ALPL: variants seen among roughly 807,000 people sequenced by gnomAD.
ALPL encodes alkaline phosphatase, tissue-nonspecific isozyme.
A neutral mutation model predicts 51.3 loss-of-function variants in ALPL; 42 were observed. The observed-to-expected ratio is 0.82, with a 90% CI of 0.64 to 1.06. ALPL has a LOEUF of 1.06. Ranked by LOEUF, ALPL falls within the 50% of genes least tolerant of loss-of-function variation. The pLI, the probability that ALPL is intolerant of heterozygous loss-of-function variation, is 0.00. For synonymous variants in ALPL, 279 were observed against 296.4 expected, an observed-to-expected ratio of 0.94 and a Z score of 0.60; for missense variants, 589 against 709.4, an observed-to-expected ratio of 0.83 and a Z score of 1.93.
intron 1 of ALPL, among the ~76,000 whole-genome samples, chr1:21,522,387 A>G (rs1030414044): frequency 6.6e-6 from 1 of 152,202 alleles, no homozygotes; most frequent in African/African-American, 2.4e-5. Flanking sequence ...TTTGTTTAAA[A>G]TATATCATGA....
intron 6 of ALPL, among the ~76,000 whole-genome samples, chr1:21,567,053 C>T (rs942644953): frequency 1.3e-5 from 2 of 152,194 alleles, no homozygotes. Flanking sequence ...GGCACCTTTC[C>T]CACCTCTCCA....
At chr1:21,574,695 GC>G (rs1202641659) in intron 9 of ALPL, 4 of 152,268 alleles carry the variant, frequency 2.6e-5, no homozygotes, top group Non-Finnish European at 4.4e-5. Context: ...TCTTGGCCTG[GC>G]CCCGAACAGG....
At chr1:21,518,187 C>CT (rs1643836601) in intron 1 of ALPL, among the ~76,000 whole-genome samples, 1 of 152,032 alleles carries the variant, frequency 6.6e-6, no homozygotes, top group South Asian at 2.1e-4. Flanking sequence ...GGCCTCATCA[C>CT]TGTCTAGGCT....
intron 7 of ALPL, among the ~76,000 whole-genome samples, chr1:21,569,222 C>A (rs1466925674): frequency 2.0e-5 from 3 of 152,174 alleles, no homozygotes; most frequent in Non-Finnish European, 4.4e-5. Flanking sequence ...CAAGCTCAAG[C>A]CAGAGAGACA....
chr1:21,548,261 C>T (rs959339491), intron 1 of ALPL, among the ~76,000 whole-genome samples: 1 of 152,208 alleles, frequency 6.6e-6, no homozygotes, highest in Non-Finnish European at 1.5e-5. Context: ...GGAGCCTCTG[C>T]GAGGGGGAGG....
chr1:21,552,392 T>C (rs1345287433), intron 1 of ALPL, among the ~76,000 whole-genome samples: 1 of 149,468 alleles, frequency 6.7e-6, no homozygotes, highest in African/African-American at 2.5e-5. Context: ...GGCAGGAAAA[T>C]TGCTTGAACC....
chr1:21,554,358 GAAATATATATATACAAGGA>G (rs1273808375), intron 2 of ALPL, among the ~76,000 whole-genome samples: 4 of 146,710 alleles, frequency 2.7e-5, no homozygotes, highest in Admixed American at 1.4e-4. Flanking sequence ...ACACATATAT[GAAATATATATATACAAGGA>G]AAATATATAT....
At chr1:21,518,104 G>A (rs1643834754) in intron 1 of ALPL, among the ~76,000 whole-genome samples, 1 of 152,050 alleles carries the variant, frequency 6.6e-6, no homozygotes, top group Non-Finnish European at 1.5e-5. Context: ...CCCACCCCAG[G>A]TGTGGGGTAG....
chr1:21,574,007 T>C (rs1644690987), intron 9 of ALPL: 1 of 985,376 alleles, frequency 1.0e-6, no homozygotes. Context: ...AGATGCAAGT[T>C]AGGTTCAGCA....
intron 8 of ALPL, among the ~76,000 whole-genome samples, chr1:21,572,792 C>T (rs1242668969): frequency 6.6e-6 from 1 of 152,184 alleles, no homozygotes; most frequent in Non-Finnish European, 1.5e-5. Context: ...GGATCATTCT[C>T]CTTATGTCAC....
chr1:21,555,503 G>A (rs1212255066), intron 2 of ALPL, among the ~76,000 whole-genome samples: 1 of 151,904 alleles, frequency 6.6e-6, no homozygotes, highest in Non-Finnish European at 1.5e-5. Flanking sequence ...TGCAACCTTC[G>A]CCACCCAGGT....
At position 21,554,021 on chromosome 1, in the gene ALPL, C is replaced by A; in HGVS notation, c.-61C>A. On this transcript the variant is annotated 5_prime_UTR_variant, in exon 2 of 12. Transcript: ENST00000374840. Reference sequence around the variant, plus strand: ...CATCTGACCACTGCCAGCCCACCCCCTCCCACCCACGTCGATTGCATCTCT... The same window carrying A: ...CATCTGACCACTGCCAGCCCACCCCATCCCACCCACGTCGATTGCATCTCT... 2 of 1,080,974 alleles carry A rather than the reference C, an allele frequency of 1.9e-6. No homozygotes were observed. The highest frequency in any genetic ancestry group is 2.8e-6 in the Non-Finnish European group (2 of 703,622). The allele number at this position is 1,080,974 out of a possible 1,614,324, so 67.0% of individuals were successfully genotyped here.
At chr1:21,537,177 T>G (rs1303301576) in intron 1 of ALPL, among the ~76,000 whole-genome samples, 1 of 152,206 alleles carries the variant, frequency 6.6e-6, no homozygotes, top group Non-Finnish European at 1.5e-5. Flanking sequence ...ATTAAAGGCG[T>G]GAGCCACCGT....
intron 11 of ALPL, 118 bp downstream of exon 11, chr1:21,576,759 TC>T: frequency 7.2e-7 from 1 of 1,395,576 alleles, no homozygotes; most frequent in Non-Finnish European, 9.9e-7. Flanking sequence ...GGGGCTTGAG[TC>T]CCAGTTTGAT....
At chr1:21,535,284 C>G (rs942688093) in intron 1 of ALPL, among the ~76,000 whole-genome samples, 1 of 152,134 alleles carries the variant, frequency 6.6e-6, no homozygotes, top group Non-Finnish European at 1.5e-5. Context: ...TGCTGGTTTC[C>G]TCTCTGGCCA....
chr1:21,517,352 G>C (rs1217075400), intron 1 of ALPL, among the ~76,000 whole-genome samples: 5 of 152,240 alleles, frequency 3.3e-5, no homozygotes, highest in Admixed American at 2.0e-4. Flanking sequence ...TGTTCTCAAA[G>C]TTTGGAAAGT....
At chr1:21,517,740 CATGGTTT>C (rs1308405934) in intron 1 of ALPL, among the ~76,000 whole-genome samples, 1 of 152,108 alleles carries the variant, frequency 6.6e-6, no homozygotes, top group Non-Finnish European at 1.5e-5. Context: ...CCCTACCACG[CATGGTTT>C]ATTTGAATGA....
intron 1 of ALPL, among the ~76,000 whole-genome samples, chr1:21,549,108 A>G (rs557084639): frequency 2.6e-5 from 4 of 152,332 alleles, no homozygotes; most frequent in Admixed American, 1.3e-4. Context: ...TCCAGCGAGT[A>G]TGATGGTTTC....
At chr1:21,532,004 A>T (rs934509295) in intron 1 of ALPL, among the ~76,000 whole-genome samples, 5 of 148,380 alleles carry the variant, frequency 3.4e-5, no homozygotes, top group African/African-American at 1.3e-4. Flanking sequence ...GTTACTTGGG[A>T]TTGATGTTGA....
Sources: allele counts gnomAD v4.1 joint callset (sites outside exome capture counted in the v4.1 genomes callset), GRCh38; gene constraint gnomAD v4.1.1; transcripts MANE v1.5; gene names NCBI Gene and HGNC (gene_info 2026-07-23, HGNC 2026-07-21).